ANKS1B: variants seen among roughly 807,000 people sequenced by gnomAD.
ANKS1B encodes ankyrin repeat and sterile alpha motif domain-containing protein 1B.
ANKS1B carries 36 observed loss-of-function variants against 148.3 expected under a neutral mutation model. The ratio of observed to expected loss-of-function variants is 0.24; its 90% CI spans 0.19 to 0.32. ANKS1B has a LOEUF of 0.32. Ranked by LOEUF, ANKS1B falls within the 10% of genes least tolerant of loss-of-function variation. The probability of loss-of-function intolerance (pLI) is 1.00; values close to 1 mark genes in which losing one functional copy is unlikely to be tolerated. For missense variants in ANKS1B, 1,157 were observed against 1,542.6 expected, an observed-to-expected ratio of 0.75 and a Z score of 4.19; for synonymous variants, 542 against 560.8, an observed-to-expected ratio of 0.97 and a Z score of 0.47.
At chr12:99,375,934 A>G (rs1015727604) in intron 12 of ANKS1B, among the ~76,000 whole-genome samples, 5 of 152,258 alleles carry the variant, frequency 3.3e-5, no homozygotes, top group Non-Finnish European at 4.4e-5. Context: ...AGATACTAAG[A>G]AAATGAAGAA....
intron 1 of ANKS1B, among the ~76,000 whole-genome samples, chr12:99,983,347 AT>A (rs970481700): frequency 2.9e-4 from 44 of 152,054 alleles, no homozygotes; most frequent in African/African-American, 1.0e-3. Flanking sequence ...AGACCTTGAC[AT>A]TTTTTTTAAA....
chr12:99,816,961 G>A (rs1410118029), intron 2 of ANKS1B, among the ~76,000 whole-genome samples: 1 of 151,594 alleles, frequency 6.6e-6, no homozygotes, highest in Non-Finnish European at 1.5e-5. Context: ...TGCATACAAT[G>A]TGTAATGACT....
chr12:99,265,603 G>A, intron 12 of ANKS1B, among the ~76,000 whole-genome samples: 1 of 152,106 alleles, frequency 6.6e-6, no homozygotes, highest in East Asian at 1.9e-4. Context: ...CTATTCCAGT[G>A]TTTCTTTTCT....
intron 1 of ANKS1B, among the ~76,000 whole-genome samples, chr12:99,971,868 A>G (rs2153837095): frequency 6.6e-6 from 1 of 152,332 alleles, no homozygotes; most frequent in East Asian, 1.9e-4. Context: ...ATAAATGTGT[A>G]CAGAAATACT....
At chr12:99,776,487 A>G (rs1325638295) in intron 6 of ANKS1B, among the ~76,000 whole-genome samples, 1 of 152,196 alleles carries the variant, frequency 6.6e-6, no homozygotes, top group Non-Finnish European at 1.5e-5. Context: ...AAAACATCTC[A>G]CTTTTCTCTT....
At chr12:99,161,387 G>C (rs894533940) in intron 14 of ANKS1B, among the ~76,000 whole-genome samples, 4 of 152,038 alleles carry the variant, frequency 2.6e-5, no homozygotes, top group African/African-American at 9.7e-5. Flanking sequence ...AAAGTAGCCA[G>C]AGATGATGGC....
Position 98,911,548 on chromosome 12 carries a change from G to C in ANKS1B, c.2779-79412C>G, listed in dbSNP as rs182310781. ...CACTACCTTGGACTATAATCAATTT[G>C]GGGATTGTGGTCTTTTAAACAGACC... On this transcript the variant is annotated intron_variant, in intron 17 of 26. Transcript: ENST00000683438. Among the ~76,000 whole-genome samples the C allele has an allele frequency of 3.4e-3, 515 of 152,286 alleles. 3 individuals carry two copies. Among genetic ancestry groups the C allele is most frequent in the African/African-American group, 0.011 (460 of 41,558 alleles).
chr12:99,506,689 A>G (rs759781537), intron 9 of ANKS1B, among the ~76,000 whole-genome samples: 3 of 152,012 alleles, frequency 2.0e-5, no homozygotes, highest in Admixed American at 1.3e-4. Flanking sequence ...GCCCATAAAG[A>G]CAAGACAAAG....
chr12:99,499,425 T>G (rs2152991809), intron 10 of ANKS1B, among the ~76,000 whole-genome samples: 1 of 152,210 alleles, frequency 6.6e-6, no homozygotes, highest in South Asian at 2.1e-4. Flanking sequence ...AACAACAAAC[T>G]CAGGCATTGT....
At chr12:99,830,646 A>C (rs938477022) in intron 1 of ANKS1B, among the ~76,000 whole-genome samples, 30 of 152,242 alleles carry the variant, frequency 2.0e-4, no homozygotes, top group Non-Finnish European at 3.7e-4. Flanking sequence ...AAGCAAAAAA[A>C]AAAAAAAAGG....
chr12:99,614,708 T>C (rs2097936476), intron 9 of ANKS1B, among the ~76,000 whole-genome samples: 1 of 152,068 alleles, frequency 6.6e-6, no homozygotes, highest in Non-Finnish European at 1.5e-5. Context: ...GATCTCTCTA[T>C]TGTGTATGTT....
At chr12:99,266,621 G>A (rs1455347343) in intron 12 of ANKS1B, among the ~76,000 whole-genome samples, 3 of 152,072 alleles carry the variant, frequency 2.0e-5, no homozygotes. Context: ...ATAACATTTC[G>A]GAGGGTGTCC....
chr12:99,056,141 C>T (rs1043210899), intron 16 of ANKS1B, among the ~76,000 whole-genome samples: 1 of 152,090 alleles, frequency 6.6e-6, no homozygotes, highest in African/African-American at 2.4e-5. Context: ...TTAATCAATG[C>T]CTATTCTGAT....
chr12:98,998,226 G>A (rs1039658950), intron 17 of ANKS1B, among the ~76,000 whole-genome samples: 1 of 152,164 alleles, frequency 6.6e-6, no homozygotes, highest in Non-Finnish European at 1.5e-5. Flanking sequence ...AAAGACACTG[G>A]AATTGGAGGA....
intron 1 of ANKS1B, among the ~76,000 whole-genome samples, chr12:99,855,971 C>T (rs953812820): frequency 1.3e-5 from 2 of 151,956 alleles, no homozygotes; most frequent in African/African-American, 4.8e-5. Flanking sequence ...TAAAGGAGCA[C>T]AAATAGACAA....
intron 16 of ANKS1B, among the ~76,000 whole-genome samples, chr12:99,063,121 G>A (rs911704518): frequency 6.6e-6 from 1 of 152,156 alleles, no homozygotes; most frequent in Non-Finnish European, 1.5e-5. Flanking sequence ...TATCCCTGAT[G>A]TGCCAGGCTC....
chr12:99,696,296 AAAAC>A (rs2053903569), intron 8 of ANKS1B, among the ~76,000 whole-genome samples: 1 of 152,190 alleles, frequency 6.6e-6, no homozygotes, highest in African/African-American at 2.4e-5. Context: ...TGTTAAGTGA[AAAAC>A]AAAAGCTTCA....
intron 9 of ANKS1B, among the ~76,000 whole-genome samples, chr12:99,558,251 T>C (rs994850906): frequency 2.6e-5 from 4 of 151,990 alleles, no homozygotes; most frequent in South Asian, 2.1e-4. Flanking sequence ...GGGCAAGGCA[T>C]TGGCAGAGAT....
intron 9 of ANKS1B, among the ~76,000 whole-genome samples, chr12:99,651,702 G>A (rs1280678079): frequency 6.6e-6 from 1 of 152,066 alleles, no homozygotes; most frequent in Non-Finnish European, 1.5e-5. Context: ...CTAGGTCACA[G>A]TTTTCTTAAA....
Sources: gnomAD v4.1 joint callset for allele counts (sites outside exome capture counted in the v4.1 genomes callset) on GRCh38, gnomAD v4.1.1 for gene constraint, MANE v1.5 for transcripts, NCBI Gene and HGNC (gene_info 2026-07-23, HGNC 2026-07-21) for gene names.